The following DCDC1 variants were observed in gnomAD, a reference collection of about 807,000 sequenced individuals.
The protein encoded by DCDC1 is doublecortin domain-containing protein 1.
In DCDC1, 200 loss-of-function variants were observed where a neutral mutation model predicts 178.3. The observed-to-expected ratio is 1.12, with a 90% CI of 1.00 to 1.26. The LOEUF is 1.26. DCDC1 is among the 50% of genes most tolerant of loss of function. The pLI, the probability that DCDC1 is intolerant of heterozygous loss-of-function variation, is 0.00. For synonymous variants in DCDC1, 690 were observed against 604.8 expected (o/e 1.14, Z -2.07); for missense variants, 1,983 against 1,749.2 (o/e 1.13, Z -2.38).
chr11:31,297,324 T>C (rs1261912638), intron 6 of DCDC1, among the ~76,000 whole-genome samples: 1 of 151,932 alleles, frequency 6.6e-6, no homozygotes, highest in Non-Finnish European at 1.5e-5. Context: ...GCCATCTGAA[T>C]CTACTTTGAA....
At chr11:31,110,948 A>C (rs1159777524) in intron 11 of DCDC1, among the ~76,000 whole-genome samples, 1 of 149,276 alleles carries the variant, frequency 6.7e-6, no homozygotes, top group Non-Finnish European at 1.5e-5. Context: ...GATAAAATTC[A>C]TAACATTGCA....
At chr11:31,321,303 C>T (rs548168288) in intron 3 of DCDC1, among the ~76,000 whole-genome samples, 4 of 109,426 alleles carry the variant, frequency 3.7e-5, no homozygotes, top group Non-Finnish European at 7.4e-5. Context: ...TAGCAATCAG[C>T]GAGATTCCGT....
chr11:30,953,449 A>C (rs1590519619), intron 20 of DCDC1, among the ~76,000 whole-genome samples: 1 of 151,924 alleles, frequency 6.6e-6, no homozygotes, highest in East Asian at 1.9e-4. Context: ...TACATGTAGA[A>C]TTATATCCAA....
chr11:31,328,265 C>T lies in DCDC1; in HGVS notation c.16G>A (p.Ala6Thr). The part of the protein sequence containing the change: MAKTG[A>T]EDHREALSQS... ...GATAGTGCTTCTCTGTGATCTTCTGCTCCTGTTTTTGCCATTTTCAGCTAA... is the reference window on the plus strand; with the variant it reads ...GATAGTGCTTCTCTGTGATCTTCTGTTCCTGTTTTTGCCATTTTCAGCTAA... Residue 6 changes from alanine to threonine, a missense_variant, in exon 3 of 39, where the codon GCA becomes ACA. Ala to Thr is a moderately conservative substitution (Grantham distance 58). Coordinates refer to ENST00000684477, the MANE Select transcript of DCDC1 (RefSeq NM_001387274.1). 1 of 1,565,430 alleles carries T rather than the reference C, an allele frequency of 6.4e-7. No homozygotes were observed. The highest frequency in any genetic ancestry group is 8.7e-7 in the Non-Finnish European group (1 of 1,153,006).
intron 20 of DCDC1, among the ~76,000 whole-genome samples, chr11:31,057,183 G>C (rs951659826): frequency 4.1e-5 from 6 of 145,936 alleles, no homozygotes; most frequent in Non-Finnish European, 7.5e-5. Flanking sequence ...GCAGTGAACC[G>C]AGATGGCACC....
At chr11:31,213,100 C>CTCTCTCTCTCTCT in intron 9 of DCDC1, among the ~76,000 whole-genome samples, 1 of 44,274 alleles carries the variant, frequency 2.3e-5, no homozygotes, top group Admixed American at 2.6e-4. Context: ...TAAAGCCCAG[C>CTCTCTCTCTCTCT]CTCTCTCTCT....
intron 36 of DCDC1, among the ~76,000 whole-genome samples, chr11:30,885,876 A>G (rs751823261): frequency 2.1e-4 from 32 of 152,180 alleles, no homozygotes; most frequent in Non-Finnish European, 4.3e-4. Context: ...AAATAAATAT[A>G]GACTGATGTA....
rs747528442 is a variant in DCDC1 at position 30,894,291 on chromosome 11, G to T, written c.4859C>A (p.Thr1620Asn). 2.8e-5 allele frequency: 45 copies of T among 1,613,710 alleles called. No homozygotes were observed. The highest frequency in any genetic ancestry group is 3.6e-5 in the Non-Finnish European group (43 of 1,179,804). ...VVVEGGWTEQTQQEIKLMELI... is the reference protein window; with the variant it reads ...VVVEGGWTEQNQQEIKLMELI... ...TTCCATGAGTTTAATTTCCTGTTGA[G>T]TCTGTTCGGTCCAGCCTCCTTCAAC... The change falls in exon 35 of 39, where the codon ACT becomes AAT. Residue 1620 changes from threonine (T) to asparagine (N), a missense_variant. Thr to Asn is a moderately conservative substitution (Grantham distance 65). Coordinates refer to ENST00000684477, the MANE Select transcript of DCDC1 (RefSeq NM_001387274.1).
At position 30,903,769 on chromosome 11, in the gene DCDC1, G is replaced by GA. The variant is rs60052413; in HGVS notation, c.4309-87dup. ...TAAGAGCTTGTCATTCTAAAAATCT[G>GA]AAAAAAAAAATAATTGAATTTGAGA... is the stretch of plus-strand genomic sequence containing the variant. On this transcript the variant is annotated intron_variant, in intron 31 of 38. Coordinates refer to ENST00000684477, the MANE Select transcript of DCDC1 (RefSeq NM_001387274.1). The GA allele has an allele frequency of 9.3e-3, 9,483 of 1,023,448 alleles. 1 individual carries two copies. Among genetic ancestry groups the GA allele is most frequent in the South Asian group, 0.014 (418 of 29,608 alleles). 63.4% of individuals were successfully genotyped at this position (1,023,448 alleles called of 1,614,324 possible). A position where few individuals can be genotyped will look rare whatever the true frequency, so the allele number is the denominator to read the frequency against.
At chr11:30,958,873 C>T (rs112476187) in intron 20 of DCDC1, among the ~76,000 whole-genome samples, 3,039 of 152,078 alleles carry the variant, frequency 0.02, 89 homozygotes, top group African/African-American at 0.069. Flanking sequence ...TGAAATTTGC[C>T]CCTACACAGT....
intron 17 of DCDC1, among the ~76,000 whole-genome samples, chr11:31,090,178 G>C (rs138764626): frequency 2.0e-5 from 3 of 152,152 alleles, no homozygotes; most frequent in Non-Finnish European, 2.9e-5. Flanking sequence ...ATTAGCACTG[G>C]AGAGTTTGCA....
At chr11:31,302,476 T>C (rs956430146) in intron 6 of DCDC1, among the ~76,000 whole-genome samples, 1 of 152,182 alleles carries the variant, frequency 6.6e-6, no homozygotes, top group East Asian at 1.9e-4. Flanking sequence ...AAACTTTAAA[T>C]GCCAGAAGTA....
intron 7 of DCDC1, among the ~76,000 whole-genome samples, chr11:31,284,062 CCTTCT>C (rs1454172045): frequency 6.6e-6 from 1 of 151,898 alleles, no homozygotes; most frequent in Non-Finnish European, 1.5e-5. Flanking sequence ...CAACTTTTCC[CCTTCT>C]CTTAGGCATT....
chr11:31,102,398 A>C (rs1565285914), intron 14 of DCDC1, 116 bp from the exon 15 acceptor site: 1 of 458,742 alleles, frequency 2.2e-6, no homozygotes, highest in Non-Finnish European at 3.9e-6. Context: ...CATTACTAAT[A>C]ATTTATATAT....
intron 9 of DCDC1, among the ~76,000 whole-genome samples, chr11:31,138,654 C>T (rs1466919304): frequency 5.9e-5 from 9 of 152,106 alleles, no homozygotes; most frequent in Admixed American, 5.9e-4. Flanking sequence ...CATGTTTTTA[C>T]ATTTTGTTTT....
At chr11:31,093,209 T>C (rs1298976696) in intron 16 of DCDC1, among the ~76,000 whole-genome samples, 4 of 152,216 alleles carry the variant, frequency 2.6e-5, no homozygotes, top group African/African-American at 9.6e-5. Flanking sequence ...ATAAATAATA[T>C]GTCTTAGTAC....
chr11:31,059,011 A>G (rs1399187704), intron 20 of DCDC1, among the ~76,000 whole-genome samples: 2 of 152,136 alleles, frequency 1.3e-5, no homozygotes, highest in African/African-American at 4.8e-5. Flanking sequence ...TCATGCCTTA[A>G]ATAGTTCTAT....
At position 30,888,098 on chromosome 11, in the gene DCDC1, A is replaced by AAGAG. The variant is rs1254212107; in HGVS notation, c.5082+4719_5082+4720insCTCT. Among the ~76,000 whole-genome samples, 12 of 105,502 alleles carry AAGAG rather than the reference A, an allele frequency of 1.1e-4. 1 individual carries two copies. Among genetic ancestry groups the AAGAG allele is most frequent in the Admixed American group, 2.1e-4 (2 of 9,324 alleles). 69.2% of individuals were successfully genotyped at this position (105,502 alleles called of 152,430 possible). ...AGAGAGAGAGAGAAAGAAAGAAAGA[A>AAGAG]AAAGAAAGAAAGAAAGAAAGAAAGA... On this transcript the variant is annotated intron_variant, in intron 36 of 38. Coordinates refer to ENST00000684477, the MANE Select transcript of DCDC1 (RefSeq NM_001387274.1).
chr11:31,125,634 A>T (rs1036444232), intron 11 of DCDC1, among the ~76,000 whole-genome samples: 3 of 152,188 alleles, frequency 2.0e-5, no homozygotes, highest in Non-Finnish European at 4.4e-5. Flanking sequence ...AGGCATATGG[A>T]TGAAGCTGGA....
Sources: allele counts gnomAD v4.1 joint callset (sites outside exome capture counted in the v4.1 genomes callset), GRCh38; gene constraint gnomAD v4.1.1; transcripts MANE v1.5; gene names NCBI Gene and HGNC (gene_info 2026-07-23, HGNC 2026-07-21).